HSD17B2: variants seen among roughly 807,000 people sequenced by gnomAD.
HSD17B2 encodes hydroxysteroid 17-beta dehydrogenase 2.
HSD17B2 carries 32 observed loss-of-function variants against 26.9 expected under a neutral mutation model. The ratio of observed to expected loss-of-function variants is 1.19; its 90% CI spans 0.90 to 1.60. HSD17B2 has a LOEUF of 1.60. Among genes scored for constraint, HSD17B2 ranks in the 40% most tolerant of loss-of-function variants. HSD17B2 has a pLI of 0.00. For missense variants in HSD17B2, 613 were observed against 468.6 expected (o/e 1.31, Z -2.85); for synonymous variants, 246 against 186.7 (o/e 1.32, Z -2.59).
At chr16:82,084,021 G>C (rs1025514563) in intron 3 of HSD17B2, among the ~76,000 whole-genome samples, 2 of 152,190 alleles carry the variant, frequency 1.3e-5, no homozygotes, top group Admixed American at 6.5e-5. Flanking sequence ...ATAAACACTT[G>C]TGTGCAATTG....
At chr16:82,077,731 A>AAAAG (rs1027231012) in intron 3 of HSD17B2, among the ~76,000 whole-genome samples, 4 of 151,924 alleles carry the variant, frequency 2.6e-5, no homozygotes, top group Admixed American at 6.6e-5. Context: ...ACCCTGTTTC[A>AAAAG]AAAGAAAGAA....
intron 1 of HSD17B2, among the ~76,000 whole-genome samples, chr16:82,036,318 GTT>G (rs1251306128): frequency 2.1e-5 from 2 of 97,188 alleles, no homozygotes; most frequent in African/African-American, 4.1e-5. Context: ...TTTTTCCCTT[GTT>G]TGTGTGTGTG....
intron 3 of HSD17B2, among the ~76,000 whole-genome samples, chr16:82,074,244 T>C (rs1055606838): frequency 6.6e-6 from 1 of 152,184 alleles, no homozygotes; most frequent in Non-Finnish European, 1.5e-5. Context: ...TCCCCATGCC[T>C]CTCTCTTCTT....
At chr16:82,068,071 C>A in intron 1 of HSD17B2, 99 bp from the exon 2 acceptor site, 3 of 1,061,444 alleles carry the variant, frequency 2.8e-6, no homozygotes, top group Non-Finnish European at 4.2e-6. Flanking sequence ...CTTCAGAGAG[C>A]ATGGAGAATC....
At chr16:82,036,630 A>G (rs899467354) in intron 1 of HSD17B2, among the ~76,000 whole-genome samples, 1 of 152,158 alleles carries the variant, frequency 6.6e-6, no homozygotes, top group Non-Finnish European at 1.5e-5. Flanking sequence ...TTTGCAGAGA[A>G]ACAGACTTTG....
At chr16:82,041,997 C>CTA (rs1555530476) in intron 1 of HSD17B2, among the ~76,000 whole-genome samples, 4 of 141,644 alleles carry the variant, frequency 2.8e-5, no homozygotes, top group Non-Finnish European at 6.2e-5. Flanking sequence ...CTTTTCTTTT[C>CTA]TTTTTTTTTT....
chr16:82,056,990 G>A (rs190021144), intron 1 of HSD17B2, among the ~76,000 whole-genome samples: 18 of 152,280 alleles, frequency 1.2e-4, no homozygotes, highest in Admixed American at 2.0e-4. Context: ...AATAGCCAAA[G>A]CTAGAAGAGT....
chr16:82,062,269 A>C lies in HSD17B2; in HGVS notation c.266-5901A>C, dbSNP rs372256064. On this transcript the variant is annotated intron_variant, in intron 1 of 4. Coordinates refer to ENST00000199936, the MANE Select transcript of HSD17B2 (RefSeq NM_002153.3). The stretch of plus-strand genomic sequence containing the variant: ...TCTGTAGTAGTCATTGCCTGTCCCA[A>C]GTTGATGGGTTTCCAGGCTGCTAGA... 2.6e-5 allele frequency among the ~76,000 whole-genome samples: 4 copies of C among 152,288 alleles called. No homozygotes were observed. The East Asian group carries it at 7.7e-4, about 29-fold the overall frequency.
chr16:82,048,438 G>C (rs1197230519), intron 1 of HSD17B2, among the ~76,000 whole-genome samples: 1 of 152,188 alleles, frequency 6.6e-6, no homozygotes, highest in Non-Finnish European at 1.5e-5. Context: ...AGGCAGCAAG[G>C]AGATGATGTT....
chr16:82,077,774 A>G (rs532748363), intron 3 of HSD17B2, among the ~76,000 whole-genome samples: 1 of 152,048 alleles, frequency 6.6e-6, no homozygotes, highest in African/African-American at 2.4e-5. Context: ...AAAGAAAGAA[A>G]GGAAGGAAGG....
At chr16:82,049,153 C>G (rs914363170) in intron 1 of HSD17B2, among the ~76,000 whole-genome samples, 22 of 152,108 alleles carry the variant, frequency 1.4e-4, no homozygotes, top group African/African-American at 4.8e-4. Context: ...AGCAATTGTT[C>G]TTTACTGGGA....
rs370095100 is a variant in HSD17B2, at chr16:82,041,175, A to T, written c.265+5486A>T. 2.0e-5 allele frequency among the ~76,000 whole-genome samples: 3 copies of T among 152,340 alleles called. No individual in the cohort carries two copies. The East Asian group carries it at 5.8e-4, about 29-fold the overall frequency. On this transcript the variant is annotated intron_variant, in intron 1 of 4. Coordinates refer to ENST00000199936, the MANE Select transcript of HSD17B2 (RefSeq NM_002153.3). The stretch of plus-strand genomic sequence containing the variant: ...ACTATACTGCAAGCGGCTTGAAGGC[A>T]GGAACCAGGTCTCTTTTTATGACCA...
intron 3 of HSD17B2, among the ~76,000 whole-genome samples, chr16:82,073,249 G>T (rs1246172315): frequency 6.6e-6 from 1 of 151,002 alleles, no homozygotes; most frequent in African/African-American, 2.4e-5. Flanking sequence ...TTTTGAGATG[G>T]AGTCTCACTC....
At chr16:82,053,361 G>A (rs1014818957) in intron 1 of HSD17B2, among the ~76,000 whole-genome samples, 2 of 152,152 alleles carry the variant, frequency 1.3e-5, no homozygotes, top group African/African-American at 4.8e-5. Context: ...CACCCCTGCA[G>A]AGTCTACAGA....
At chr16:82,058,360 C>T (rs966039710) in intron 1 of HSD17B2, among the ~76,000 whole-genome samples, 2 of 152,052 alleles carry the variant, frequency 1.3e-5, no homozygotes, top group South Asian at 2.1e-4. Flanking sequence ...TGTGAGCTAC[C>T]GCACCCAGCC....
intron 1 of HSD17B2, among the ~76,000 whole-genome samples, chr16:82,047,345 T>C (rs573232758): frequency 1.3e-5 from 2 of 152,246 alleles, no homozygotes; most frequent in Admixed American, 6.5e-5. Flanking sequence ...GACAATGGCA[T>C]AGGAGGGTTT....
At chr16:82,051,586 G>A (rs1209755512) in intron 1 of HSD17B2, among the ~76,000 whole-genome samples, 1 of 152,088 alleles carries the variant, frequency 6.6e-6, no homozygotes, top group Admixed American at 6.5e-5. Context: ...GAGGGTGAGG[G>A]GAGGGGAAGT....
Position 82,098,120 on chromosome 16 carries a change from T to A in HSD17B2, c.848T>A (p.Ile283Asn), listed in dbSNP as rs200221746. 1.2e-5 allele frequency: 19 copies of A among 1,613,950 alleles called. No homozygotes were observed. The Admixed American group carries it at 2.5e-4, about 21-fold the overall frequency. The stretch of plus-strand genomic sequence containing the variant: ...AAGTGGGAAAAGCTGGAGAAGGACA[T>A]TCTGGACCACCTCCCCGCTGAGGTA... ...SDKWEKLEKD[I>N]LDHLPAEVQE... Residue 283 changes from isoleucine (I) to asparagine (N), a missense_variant, in exon 5 of 5, where the codon ATT (isoleucine) becomes AAT (asparagine). By Grantham distance (149) the Ile-to-Asn change is moderately radical (BLOSUM62 -3). Transcript: ENST00000199936.
intron 3 of HSD17B2, among the ~76,000 whole-genome samples, chr16:82,089,409 G>T (rs1904619728): frequency 6.6e-6 from 1 of 152,052 alleles, no homozygotes. Context: ...GCCAAGCCTG[G>T]GAGCCCTGTT....
Sources: allele counts gnomAD v4.1 joint callset (sites outside exome capture counted in the v4.1 genomes callset), GRCh38; gene constraint gnomAD v4.1.1; transcripts MANE v1.5; gene names NCBI Gene and HGNC (gene_info 2026-07-23, HGNC 2026-07-21).